GDF1: variants seen among roughly 807,000 people sequenced by gnomAD.
GDF1 encodes the protein growth differentiation factor 1.
A neutral mutation model predicts 7.4 loss-of-function variants in GDF1; 8 were observed. That is an observed-to-expected ratio of 1.09 (90% CI 0.64 to 1.96). The LOEUF (loss-of-function observed/expected upper bound fraction) is 1.96, where lower values mean the gene tolerates loss of function less well. Among genes scored for constraint, GDF1 ranks in the 30% most tolerant of loss-of-function variants. The probability of loss-of-function intolerance (pLI) is 0.00; values close to 1 mark genes in which losing one functional copy is unlikely to be tolerated. For missense variants in GDF1, 574 were observed against 551.5 expected (o/e 1.04, Z -0.41); for synonymous variants, 311 against 276.7 (o/e 1.12, Z -1.23).
intron 3 of GDF1, 63 bp from the exon 4 acceptor site, chr19:18,880,498 A>G: frequency 1.4e-6 from 2 of 1,468,856 alleles, no homozygotes; most frequent in South Asian, 2.7e-5. Context: ...ACTCTGCACT[A>G]AGGCCCCCAG....
Position 18,878,687 on chromosome 19 carries a change from ACC to A in GDF1, c.-313+241_-313+242del. The stretch of plus-strand genomic sequence containing the variant: ...GGCCCTCAGTGTCCCTACCGCTGAG[ACC>A]CTGCCTGTCGCCCTGCCTGCCCCTC... On this transcript the variant is annotated intron_variant, in intron 6 of 7. Transcript: ENST00000247005. This position sits in a 1 kb window ranked among gnomAD's most constrained non-coding sequence, Gnocchi z 4.6. 7.4e-7 allele frequency: 1 copy of A among 1,346,682 alleles called. No individual in the cohort carries two copies. The highest frequency in any genetic ancestry group is 9.6e-7 in the Non-Finnish European group (1 of 1,044,564). The allele number at this position is 1,346,682 out of a possible 1,614,324, so 83.4% of individuals were successfully genotyped here.
intron 6 of GDF1, among the ~76,000 whole-genome samples, chr19:18,871,512 G>A (rs1315005314): frequency 3.3e-5 from 5 of 152,114 alleles, no homozygotes; most frequent in Non-Finnish European, 2.9e-5. Flanking sequence ...GTGAGCCACC[G>A]TGCCTGGCCC....
chr19:18,873,079 G>A (rs1365938975), intron 6 of GDF1, among the ~76,000 whole-genome samples: 1 of 151,914 alleles, frequency 6.6e-6, no homozygotes, highest in Non-Finnish European at 1.5e-5. Flanking sequence ...AGATGAGGAG[G>A]AGAGGGAGAC....
chr19:18,879,014 A>G lies in GDF1; in HGVS notation c.-397T>C. 6.2e-7 allele frequency: 1 copy of G among 1,613,448 alleles called. No individual in the cohort carries two copies. Among genetic ancestry groups the G allele is most frequent in the East Asian group, 2.2e-5 (1 of 44,870 alleles). ...CAGCTCGTGCACCTGGCCTGTCAACACCTTGGCTGCAAACGCCACGATGTA... is the reference window on the plus strand; with the variant it reads ...CAGCTCGTGCACCTGGCCTGTCAACGCCTTGGCTGCAAACGCCACGATGTA... On this transcript the variant is annotated 5_prime_UTR_variant, in exon 6 of 8. Transcript: ENST00000247005.
intron 2 of GDF1, among the ~76,000 whole-genome samples, chr19:18,893,165 G>C (rs982703993): frequency 1.3e-5 from 2 of 151,752 alleles, no homozygotes; most frequent in Admixed American, 1.3e-4. Flanking sequence ...CACTCACCTT[G>C]GCCTCCCAAA....
chr19:18,884,284 C>A lies in GDF1; in HGVS notation c.-913-17G>T, dbSNP rs1050558355. 8 of 1,603,882 alleles carry A rather than the reference C, an allele frequency of 5.0e-6. No homozygotes were observed. In the Admixed American group the frequency reaches 1.4e-4, roughly 27 times the overall value. ...GCGTCCAGTCTGGGGAGAGCCAAAT[C>A]TCACAGTCAGGGCCCTGCGAAGCCT... On this transcript the variant is annotated splice_polypyrimidine_tract_variant and intron_variant, in intron 2 of 7. Coordinates refer to ENST00000247005, the MANE Select transcript of GDF1 (RefSeq NM_001492.6).
At chr19:18,882,719 G>A (rs1254431896) in intron 3 of GDF1, among the ~76,000 whole-genome samples, 1 of 150,996 alleles carries the variant, frequency 6.6e-6, no homozygotes, top group Non-Finnish European at 1.5e-5. Context: ...TTGAGACGGA[G>A]TCTCGCTCTG....
At chr19:18,869,497 C>G (rs1328812419) in intron 7 of GDF1, 107 bp from the exon 8 acceptor site, 5 of 1,228,102 alleles carry the variant, frequency 4.1e-6, no homozygotes, top group Admixed American at 5.9e-5. Flanking sequence ...CGGGGCGCAC[C>G]GTCTGTGGGA....
At chr19:18,889,712 G>A (rs2146056730) in intron 2 of GDF1, among the ~76,000 whole-genome samples, 1 of 152,236 alleles carries the variant, frequency 6.6e-6, no homozygotes, top group African/African-American at 2.4e-5. Context: ...TTCCAGGAGT[G>A]AGTCACCGCA....
Position 18,878,747 on chromosome 19 carries a change from G to T in GDF1, c.-313+183C>A. On this transcript the variant is annotated intron_variant, in intron 6 of 7. Transcript: ENST00000247005. The surrounding 1 kb of genome is among the most constrained non-coding windows in gnomAD (Gnocchi z 4.6). Reference sequence around the variant, plus strand: ...TCTCCCTCCCCTTCCTCACTGTCCTGTCCTTCAGGGTACTGGCCACATCGT... The same window carrying T: ...TCTCCCTCCCCTTCCTCACTGTCCTTTCCTTCAGGGTACTGGCCACATCGT... 1 of 1,415,172 alleles carries T rather than the reference G, an allele frequency of 7.1e-7. No individual in the cohort carries two copies. The highest frequency in any genetic ancestry group is 9.2e-7 in the Non-Finnish European group (1 of 1,083,180). The allele number at this position is 1,415,172 out of a possible 1,614,324, so 87.7% of individuals were successfully genotyped here. A position where few individuals can be genotyped will look rare whatever the true frequency, so the allele number is the denominator to read the frequency against.
chr19:18,873,585 C>G (rs2056012263), intron 6 of GDF1, among the ~76,000 whole-genome samples: 1 of 151,916 alleles, frequency 6.6e-6, no homozygotes, highest in African/African-American at 2.4e-5. Context: ...TACCTGTAAT[C>G]CTAGCACTTT....
In GDF1 at chr19:18,892,380, T is replaced by C. The variant is rs61364779; in HGVS notation, c.-914+1036A>G. Among the ~76,000 whole-genome samples, 1,446 of 151,968 alleles carry C rather than the reference T, an allele frequency of 9.5e-3. 29 individuals are homozygous for C. Among genetic ancestry groups the C allele is most frequent in the African/African-American group, 0.033 (1,370 of 41,476 alleles). On this transcript the variant is annotated intron_variant, in intron 2 of 7. Coordinates refer to ENST00000247005, the MANE Select transcript of GDF1 (RefSeq NM_001492.6). Reference sequence around the variant, plus strand: ...CTGTAATCCCAGCACTTTGGGAGGCTGAGGCGGGCAGATCATGAGATCAGG... The same window carrying C: ...CTGTAATCCCAGCACTTTGGGAGGCCGAGGCGGGCAGATCATGAGATCAGG...
At chr19:18,873,986 C>A (rs924889418) in intron 6 of GDF1, among the ~76,000 whole-genome samples, 2 of 151,948 alleles carry the variant, frequency 1.3e-5, no homozygotes, top group African/African-American at 4.8e-5. Flanking sequence ...CCAGGAGGAT[C>A]TAGGAATTCT....
intron 6 of GDF1, among the ~76,000 whole-genome samples, chr19:18,877,251 G>A (rs1028201092): frequency 5.9e-5 from 9 of 152,294 alleles, no homozygotes; most frequent in Admixed American, 1.3e-4. Flanking sequence ...CATCCTCAGC[G>A]GGGACAGAGC....
intron 6 of GDF1, among the ~76,000 whole-genome samples, chr19:18,874,879 C>T (rs1308185753): frequency 3.9e-5 from 6 of 152,146 alleles, no homozygotes; most frequent in East Asian, 3.9e-4. Context: ...ATTTGCTTCA[C>T]GCCTCCTGAG....
intron 6 of GDF1, among the ~76,000 whole-genome samples, chr19:18,875,536 C>T (rs898266392): frequency 3.4e-5 from 5 of 149,140 alleles, no homozygotes; most frequent in African/African-American, 1.2e-4. Flanking sequence ...GAGCGAGACA[C>T]TGTCTCAAAA....
At chr19:18,882,681 A>C (rs1302076272) in intron 3 of GDF1, among the ~76,000 whole-genome samples, 2 of 150,434 alleles carry the variant, frequency 1.3e-5, no homozygotes, top group Non-Finnish European at 3.0e-5. Context: ...AATTTTAAAA[A>C]TGTATTTATG....
chr19:18,896,067 C>G lies in GDF1; in HGVS notation c.-1317G>C. The G allele has an allele frequency of 1.0e-6, 1 of 974,538 alleles. No homozygotes were observed. Among genetic ancestry groups the G allele is most frequent in the Non-Finnish European group, 1.2e-6 (1 of 822,058 alleles). 60.4% of individuals were successfully genotyped at this position (974,538 alleles called of 1,614,324 possible). A position where few individuals can be genotyped will look rare whatever the true frequency, so the allele number is the denominator to read the frequency against. Reference sequence around the variant, plus strand: ...TCGGCCCCGCCGCGGGCCCCGCCGCCGCCATACCGCCCGCTCGCCCGCCGT... The same window carrying G: ...TCGGCCCCGCCGCGGGCCCCGCCGCGGCCATACCGCCCGCTCGCCCGCCGT... On this transcript the variant is annotated 5_prime_UTR_variant, in exon 1 of 8. Transcript: ENST00000247005. This position sits in a 1 kb window ranked among gnomAD's most constrained non-coding sequence, Gnocchi z 5.9.
intron 2 of GDF1, among the ~76,000 whole-genome samples, chr19:18,892,411 G>A (rs2056512874): frequency 6.6e-6 from 1 of 151,828 alleles, no homozygotes; most frequent in African/African-American, 2.4e-5. Context: ...TCAGGAGATT[G>A]AGACCATCCT....
Sources: allele counts gnomAD v4.1 joint callset (sites outside exome capture counted in the v4.1 genomes callset), GRCh38; gene constraint gnomAD v4.1.1; non-coding constraint Gnocchi (gnomAD v3.1); transcripts MANE v1.5; gene names NCBI Gene and HGNC (gene_info 2026-07-23, HGNC 2026-07-21).